Variants in KDM4A observed in about 807,000 individuals in gnomAD.
KDM4A encodes lysine-specific demethylase 4A.
In KDM4A, 23 loss-of-function variants were observed where a neutral mutation model predicts 127.1. The observed-to-expected ratio is 0.18, with a 90% confidence interval of 0.13 to 0.26. The LOEUF (loss-of-function observed/expected upper bound fraction) is 0.26. KDM4A is among the 10% of genes least tolerant of loss of function. The pLI is 1.00. For missense variants in KDM4A, 890 were observed against 1,329.1 expected (o/e 0.67, Z 5.14); for synonymous variants, 443 against 466.5 (o/e 0.95, Z 0.65).
chr1:43,650,318 G>A (rs1660080672), intron 1 of KDM4A, 66 bp downstream of exon 1: 1 of 152,400 alleles, frequency 6.6e-6, no homozygotes. Flanking sequence ...CGTGAGTTTT[G>A]GTGGGGGAGG....
At chr1:43,699,438 C>G (rs1214680359) in intron 19 of KDM4A, among the ~76,000 whole-genome samples, 3 of 152,042 alleles carry the variant, frequency 2.0e-5, no homozygotes, top group Admixed American at 6.6e-5. Context: ...ATGCCAGGCA[C>G]TATGCTAAGT....
rs185752390 is a variant in KDM4A at position 43,671,813 on chromosome 1, G to C, written c.1672G>C (p.Glu558Gln). ...AKGDGRVTVGEPCTRKKGSAA... is the reference protein window; with the variant it reads ...AKGDGRVTVGQPCTRKKGSAA... ...AGGGGATGGCAGGGTCACTGTGGGA[G>C]AGCCATGCACGAGGAAGAAAGGAAG... is the stretch of plus-strand genomic sequence containing the variant. The change falls in exon 11 of 22, where the codon GAG becomes CAG. Residue 558 changes from glutamate (E) to glutamine (Q), a missense_variant. By Grantham distance (29) the Glu-to-Gln change is conservative (BLOSUM62 2). Around this residue, in one of 7 missense-constraint regions of KDM4A, gnomAD observed 389 missense variants for 485.9 expected, o/e 0.80. Transcript: ENST00000372396. 7 of 1,604,796 alleles carry C rather than the reference G, an allele frequency of 4.4e-6. No individual in the cohort carries two copies. Among genetic ancestry groups the C allele is most frequent in the Non-Finnish European group, 6.0e-6 (7 of 1,175,508 alleles).
At chr1:43,672,189 G>A (rs1660634970) in intron 11 of KDM4A, among the ~76,000 whole-genome samples, 1 of 151,618 alleles carries the variant, frequency 6.6e-6, no homozygotes, top group Non-Finnish European at 1.5e-5. Flanking sequence ...GGATCACAAT[G>A]CCTTTTTTTT....
In KDM4A at chr1:43,694,634, A is replaced by G. The variant is rs766991092; in HGVS notation, c.2485-75A>G. 8 of 1,352,240 alleles carry G rather than the reference A, an allele frequency of 5.9e-6. No homozygotes were observed. Among genetic ancestry groups the G allele is most frequent in the Non-Finnish European group, 8.2e-6 (8 of 970,738 alleles). The allele number at this position is 1,352,240 out of a possible 1,614,324, so 83.8% of individuals were successfully genotyped here. The stretch of plus-strand genomic sequence containing the variant: ...CTGGCTCTTGCTTGCTTGGCTTTGC[A>G]TTTGGGAGGGGAACAACAGAGGAAG... On this transcript the variant is annotated intron_variant, in intron 17 of 21. Transcript: ENST00000372396. This position sits in a 1 kb window ranked among gnomAD's most constrained non-coding sequence, Gnocchi z 5.2.
intron 19 of KDM4A, 133 bp downstream of exon 19, chr1:43,698,146 A>G (rs1438679332): frequency 1.2e-6 from 1 of 808,324 alleles, no homozygotes; most frequent in East Asian, 2.6e-5. Context: ...CTCAAACAGA[A>G]AGAATCATCT....
intron 18 of KDM4A, among the ~76,000 whole-genome samples, chr1:43,695,580 C>G (rs1661222486): frequency 2.0e-5 from 3 of 152,210 alleles, no homozygotes; most frequent in Admixed American, 1.3e-4. Flanking sequence ...CTGCCACTCT[C>G]AGGACTCTGA....
In KDM4A at chr1:43,689,063, G is replaced by A. The variant is rs747912849; in HGVS notation, c.2005G>A (p.Ala669Thr). The change falls in exon 13 of 22, where the codon GCT becomes ACT. Residue 669 changes from alanine to threonine, a missense_variant. By Grantham distance (58) the Ala-to-Thr change is moderately conservative. Around this residue, in one of 7 missense-constraint regions of KDM4A, gnomAD observed 389 missense variants for 485.9 expected, o/e 0.80. Coordinates refer to ENST00000372396, the MANE Select transcript of KDM4A (RefSeq NM_014663.3). Reference protein sequence around the residue: ...ETMAQQAPHCAVCMIFQTYHQ... With the variant: ...ETMAQQAPHCTVCMIFQTYHQ... ...CATGGCCCAACAGGCCCCTCACTGCGCTGTCTGTATGATCTTCCAGACTTA... is the reference window on the plus strand; with the variant it reads ...CATGGCCCAACAGGCCCCTCACTGCACTGTCTGTATGATCTTCCAGACTTA... 8.7e-6 allele frequency: 14 copies of A among 1,614,050 alleles called. No homozygotes were observed. The highest frequency in any genetic ancestry group is 3.3e-5 in the South Asian group (3 of 91,086).
At chr1:43,658,091 G>C (rs1166768292) in intron 3 of KDM4A, among the ~76,000 whole-genome samples, 1 of 130,602 alleles carries the variant, frequency 7.7e-6, no homozygotes, top group Admixed American at 8.0e-5. Context: ...TTTTTTTTGA[G>C]ACAGAGTCTC....
At position 43,693,820 on chromosome 1, in the gene KDM4A, C is replaced by T. The variant is rs1340739070; in HGVS notation, c.2376-174C>T. 2.0e-5 allele frequency among the ~76,000 whole-genome samples: 3 copies of T among 152,220 alleles called. No individual in the cohort carries two copies. The highest frequency in any genetic ancestry group is 3.8e-4 in the East Asian group (2 of 5,196). ...TGGGCAGTGGGGGTGGCACTGCTTC[C>T]ACATACTCAGAGGAGAGACGGTTCT... On this transcript the variant is annotated intron_variant, in intron 16 of 21. Transcript: ENST00000372396. The surrounding 1 kb of genome is among the most constrained non-coding windows in gnomAD (Gnocchi z 4.2).
intron 1 of KDM4A, among the ~76,000 whole-genome samples, chr1:43,651,190 T>G (rs1401457433): frequency 6.6e-6 from 1 of 152,200 alleles, no homozygotes; most frequent in Non-Finnish European, 1.5e-5. Flanking sequence ...AAGTAAGATA[T>G]TTTGGATTCA....
At position 43,693,742 on chromosome 1, in the gene KDM4A, G is replaced by A. The variant is rs1299498756; in HGVS notation, c.2376-252G>A. Among the ~76,000 whole-genome samples, 1 of 152,218 alleles carries A rather than the reference G, an allele frequency of 6.6e-6. No individual in the cohort carries two copies. Among genetic ancestry groups the A allele is most frequent in the African/African-American group, 2.4e-5 (1 of 41,460 alleles). On this transcript the variant is annotated intron_variant, in intron 16 of 21. Coordinates refer to ENST00000372396, the MANE Select transcript of KDM4A (RefSeq NM_014663.3). The surrounding 1 kb of genome is among the most constrained non-coding windows in gnomAD (Gnocchi z 4.2). ...AGCTCTGTTCATTTTTCAACAGAGTGGTGTAAGAAGCATGATCCGGTGCTA... is the reference window on the plus strand; with the variant it reads ...AGCTCTGTTCATTTTTCAACAGAGTAGTGTAAGAAGCATGATCCGGTGCTA...
chr1:43,669,307 G>A lies in KDM4A; in HGVS notation c.1363+8G>A, dbSNP rs1660567628. On this transcript the variant is annotated splice_region_variant and intron_variant, in intron 10 of 21. Coordinates refer to ENST00000372396, the MANE Select transcript of KDM4A (RefSeq NM_014663.3). ...ATGGTCTTACCTTCCCAGGTTAGTTGACTATGGTGTATTTTCCACAACCCT... is the reference window on the plus strand; with the variant it reads ...ATGGTCTTACCTTCCCAGGTTAGTTAACTATGGTGTATTTTCCACAACCCT... 6 of 1,613,874 alleles carry A rather than the reference G, an allele frequency of 3.7e-6. No individual in the cohort carries two copies. Among genetic ancestry groups the A allele is most frequent in the Non-Finnish European group, 5.1e-6 (6 of 1,179,790 alleles).
In KDM4A at chr1:43,653,209, G is replaced by C; in HGVS notation, c.34G>C (p.Ala12Pro). Residue 12 changes from alanine to proline, a missense_variant, in exon 2 of 22, where the codon GCT becomes CCT. Around this residue, in one of 7 missense-constraint regions of KDM4A, gnomAD observed 9 missense variants for 18.6 expected, o/e 0.48. Transcript: ENST00000372396. ...ASESETLNPS[A>P]RIMTFYPTME... is the part of the protein sequence containing the mutation. ...TGAGTCTGAAACTCTGAATCCCAGT[G>C]CTAGGATAATGACCTTTTATCCAAC... 1 of 1,613,762 alleles carries C rather than the reference G, an allele frequency of 6.2e-7. No homozygotes were observed. Among genetic ancestry groups the C allele is most frequent in the Non-Finnish European group, 8.5e-7 (1 of 1,179,762 alleles).
chr1:43,677,040 T>C (rs1570844811), intron 11 of KDM4A, among the ~76,000 whole-genome samples: 3 of 152,244 alleles, frequency 2.0e-5, no homozygotes, highest in Admixed American at 2.0e-4. Context: ...TCAGTGTGTA[T>C]CTCTGAATAA....
At chr1:43,692,428 G>A (rs1270242714) in intron 16 of KDM4A, 117 bp downstream of exon 16, 9 of 862,482 alleles carry the variant, frequency 1.0e-5, no homozygotes, top group South Asian at 4.7e-5. Flanking sequence ...GAAGCACATC[G>A]TGTGGAGCAG....
chr1:43,671,827 G>A lies in KDM4A; in HGVS notation c.1686G>A (p.Arg562=), dbSNP rs773486048. 3 of 1,590,504 alleles carry A rather than the reference G, an allele frequency of 1.9e-6. No individual in the cohort carries two copies. The South Asian group carries it at 3.4e-5, about 18-fold the overall frequency. Residue 562 remains arginine, a synonymous_variant, in exon 11 of 22, where the codon AGG becomes AGA. Coordinates refer to ENST00000372396, the MANE Select transcript of KDM4A (RefSeq NM_014663.3). ...GRVTVGEPCT[R]KKGSAARSFS... The stretch of plus-strand genomic sequence containing the variant: ...TCACTGTGGGAGAGCCATGCACGAG[G>A]AAGAAAGGAAGCGCCGCTAGAAGTT...
chr1:43,699,088 C>CTTATT (rs1661316052), intron 19 of KDM4A, among the ~76,000 whole-genome samples: 1 of 149,148 alleles, frequency 6.7e-6, no homozygotes, highest in South Asian at 2.1e-4. Flanking sequence ...TGTGCCTGGC[C>CTTATT]TTATTTTTTT....
intron 10 of KDM4A, among the ~76,000 whole-genome samples, chr1:43,670,454 GTGAACA>G (rs1455004059): frequency 1.3e-5 from 2 of 151,766 alleles, no homozygotes; most frequent in East Asian, 3.9e-4. Flanking sequence ...CCAAGCCTTT[GTGAACA>G]CAGCTCACTG....
chr1:43,662,860 TG>T, intron 4 of KDM4A, 33 bp from the exon 5 acceptor site: 1 of 1,558,692 alleles, frequency 6.4e-7, no homozygotes, highest in Non-Finnish European at 8.7e-7. Flanking sequence ...TCTATGCAAA[TG>T]TAACTTGCCC....
Sources: gnomAD v4.1 joint callset for allele counts (sites outside exome capture counted in the v4.1 genomes callset) on GRCh38, gnomAD v4.1.1 for gene constraint, gnomAD v4.1.1 regional missense constraint, Gnocchi (gnomAD v3.1) non-coding constraint, MANE v1.5 for transcripts, NCBI Gene and HGNC (gene_info 2026-07-23, HGNC 2026-07-21) for gene names.